Variants in CABP1 observed in about 807,000 individuals in gnomAD.
CABP1 encodes the protein calcium-binding protein 1.
A neutral mutation model predicts 34.3 loss-of-function variants in CABP1; 17 were observed. That is an observed-to-expected ratio of 0.50 (90% CI 0.34 to 0.74). CABP1 has a LOEUF of 0.74. Ranked by LOEUF, CABP1 falls within the 30% of genes least tolerant of loss-of-function variation. The pLI, the probability that CABP1 is intolerant of heterozygous loss-of-function variation, is 0.01. For missense variants in CABP1, 373 were observed against 511.1 expected (o/e 0.73, Z 2.61); for synonymous variants, 198 against 229.2 (o/e 0.86, Z 1.23).
rs1179997990 is a variant in CABP1 at position 120,667,237 on chromosome 12, G to C, written c.*337G>C. The C allele has an allele frequency of 2.2e-6, 1 of 463,024 alleles. No individual in the cohort carries two copies. The highest frequency in any genetic ancestry group is 3.9e-6 in the Non-Finnish European group (1 of 254,438). The allele number at this position is 463,024 out of a possible 1,614,324, so 28.7% of individuals were successfully genotyped here. A position where few individuals can be genotyped will look rare whatever the true frequency, so the allele number is the denominator to read the frequency against. On this transcript the variant is annotated 3_prime_UTR_variant, in exon 6 of 6. Coordinates refer to ENST00000316803, the MANE Select transcript of CABP1 (RefSeq NM_001033677.2). ...ACCCCACACAGCATGTCCGCCCCAG[G>C]GCAAAGCCTCCCACCTTCGCTCTGC...
At chr12:120,677,084 GTTT>G in the CABP1 span, among the ~76,000 whole-genome samples, 3 of 127,774 alleles carry the variant, frequency 2.3e-5, no homozygotes, top group South Asian at 5.1e-4. Flanking sequence ...GAAGTTTGTG[GTTT>G]TTTTTTTTTT....
chr12:120,647,414 G>A (rs1879589117), intron 1 of CABP1, among the ~76,000 whole-genome samples: 1 of 151,294 alleles, frequency 6.6e-6, no homozygotes, highest in Admixed American at 6.6e-5. Flanking sequence ...ATAGAGATGA[G>A]GTCTCACTAT....
chr12:120,657,046 G>A (rs554366622), intron 1 of CABP1, among the ~76,000 whole-genome samples: 5 of 152,166 alleles, frequency 3.3e-5, no homozygotes, highest in African/African-American at 9.7e-5. Flanking sequence ...GGCACTGTCC[G>A]GTAGAACTTT....
chr12:120,678,280 T>A, the CABP1 span, among the ~76,000 whole-genome samples: 1 of 152,190 alleles, frequency 6.6e-6, no homozygotes, highest in Non-Finnish European at 1.5e-5. Flanking sequence ...CTGATCCTTA[T>A]CTGGACAGGA....
chr12:120,668,013 A>G (rs760247692), downstream of CABP1, among the ~76,000 whole-genome samples: 12 of 152,214 alleles, frequency 7.9e-5, no homozygotes, highest in Non-Finnish European at 1.3e-4. Flanking sequence ...GACAGGCATG[A>G]GAGAAACACA....
chr12:120,645,518 C>A (rs1298537234), intron 1 of CABP1, among the ~76,000 whole-genome samples: 1 of 152,168 alleles, frequency 6.6e-6, no homozygotes, highest in Non-Finnish European at 1.5e-5. Flanking sequence ...CCCAACCCCA[C>A]CACAACAATT....
At chr12:120,662,342 A>G (rs984948451) in intron 5 of CABP1, 2 of 152,034 alleles carry the variant, frequency 1.3e-5, no homozygotes, top group African/African-American at 2.4e-5. Context: ...TTTTGCCAGG[A>G]GGGCTTTTTT....
At chr12:120,664,136 C>T (rs1429184159) in intron 5 of CABP1, among the ~76,000 whole-genome samples, 1 of 152,232 alleles carries the variant, frequency 6.6e-6, no homozygotes, top group African/African-American at 2.4e-5. Flanking sequence ...TCTTGAAAGC[C>T]TGGCATCCCC....
In CABP1 at chr12:120,660,978, G is replaced by T. The variant is rs144867541; in HGVS notation, c.940-93G>T. On this transcript the variant is annotated intron_variant, in intron 4 of 5. Coordinates refer to ENST00000316803, the MANE Select transcript of CABP1 (RefSeq NM_001033677.2). This position sits in a 1 kb window ranked among gnomAD's most constrained non-coding sequence, Gnocchi z 5.0. ...CAGAGAAAGGTCTCTGGTAAAGGGG[G>T]GCAATGACACTGGAGAAGGAGCTCA... 23 of 1,468,958 alleles carry T rather than the reference G, an allele frequency of 1.6e-5. No homozygotes were observed. The highest frequency in any genetic ancestry group is 2.2e-5 in the Non-Finnish European group (23 of 1,066,934). The allele number at this position is 1,468,958 out of a possible 1,614,324, so 91.0% of individuals were successfully genotyped here.
chr12:120,642,177 C>T (rs1879362494), intron 1 of CABP1, among the ~76,000 whole-genome samples: 1 of 152,086 alleles, frequency 6.6e-6, no homozygotes, highest in East Asian at 1.9e-4. Flanking sequence ...CAGGGTTTCC[C>T]CTAGTTCGGA....
At chr12:120,648,599 C>T (rs183276403) in intron 1 of CABP1, among the ~76,000 whole-genome samples, 9 of 152,028 alleles carry the variant, frequency 5.9e-5, no homozygotes, top group Admixed American at 3.3e-4. Context: ...AAGCTGGCAG[C>T]GCTGGGCATG....
downstream of CABP1, among the ~76,000 whole-genome samples, chr12:120,672,030 T>C (rs1483365666): frequency 1.3e-5 from 2 of 152,098 alleles, no homozygotes; most frequent in Non-Finnish European, 2.9e-5. Flanking sequence ...ATCACGCCAT[T>C]GTATTCCAGC....
At chr12:120,669,309 G>A (rs963792673), downstream of CABP1, among the ~76,000 whole-genome samples, 1 of 152,212 alleles carries the variant, frequency 6.6e-6, no homozygotes, top group Non-Finnish European at 1.5e-5. Flanking sequence ...CCTTGGCTCT[G>A]TGCCCTGCTA....
At chr12:120,650,495 G>A in intron 1 of CABP1, 1 of 1,532,092 alleles carries the variant, frequency 6.5e-7, no homozygotes, top group Non-Finnish European at 8.7e-7. Context: ...GCGCGCAAGA[G>A]AGGGCTCACA....
At chr12:120,657,284 G>C (rs1880291486) in intron 1 of CABP1, among the ~76,000 whole-genome samples, 1 of 152,206 alleles carries the variant, frequency 6.6e-6, no homozygotes, top group Admixed American at 6.5e-5. Context: ...GACTAATGAG[G>C]ATGTTATAGA....
In CABP1 at chr12:120,660,035, C is replaced by T; in HGVS notation, c.685+127C>T. The stretch of plus-strand genomic sequence containing the variant: ...CAACGCGGGGTATCTTCTGTGAAAC[C>T]AGCTGCTGAAGGTGTGCACAGGAGG... On this transcript the variant is annotated intron_variant, in intron 2 of 5. Transcript: ENST00000316803. The surrounding 1 kb of genome is among the most constrained non-coding windows in gnomAD (Gnocchi z 5.0). 7.8e-7 allele frequency: 1 copy of T among 1,285,018 alleles called. No individual in the cohort carries two copies. Among genetic ancestry groups the T allele is most frequent in the South Asian group, 1.4e-5 (1 of 74,058 alleles). 79.6% of individuals were successfully genotyped at this position (1,285,018 alleles called of 1,614,324 possible).
At position 120,660,910 on chromosome 12, in the gene CABP1, G is replaced by T; in HGVS notation, c.939+70G>T. 7.1e-7 allele frequency: 1 copy of T among 1,409,100 alleles called. No individual in the cohort carries two copies. The highest frequency in any genetic ancestry group is 1.0e-6 in the Non-Finnish European group (1 of 998,068). 87.3% of individuals were successfully genotyped at this position (1,409,100 alleles called of 1,614,324 possible). On this transcript the variant is annotated intron_variant, in intron 4 of 5. Coordinates refer to ENST00000316803, the MANE Select transcript of CABP1 (RefSeq NM_001033677.2). This position sits in a 1 kb window ranked among gnomAD's most constrained non-coding sequence, Gnocchi z 5.0. ...TATCTGCAGTATAAATACTTCAAAA[G>T]AAGCCTGAGCCTCAAGTCCCAGATC...
Position 120,641,470 on chromosome 12 carries a change from T to A in CABP1, c.654+131T>A, listed in dbSNP as rs1019703876. 1.2e-5 allele frequency: 12 copies of A among 1,035,316 alleles called. No homozygotes were observed. In the African/African-American group the frequency reaches 1.8e-4, roughly 16 times the overall value. The allele number at this position is 1,035,316 out of a possible 1,614,324, so 64.1% of individuals were successfully genotyped here. On this transcript the variant is annotated intron_variant, in intron 1 of 5. Transcript: ENST00000316803. The surrounding 1 kb of genome is among the most constrained non-coding windows in gnomAD (Gnocchi z 6.7). ...GATCACGCCTCGGCTCACCTCGTCCTCCCCGGGCCGGCGCCCTTGCCGGCA... is the reference window on the plus strand; with the variant it reads ...GATCACGCCTCGGCTCACCTCGTCCACCCCGGGCCGGCGCCCTTGCCGGCA...
rs1880634883 is a variant in CABP1 at position 120,661,528 on chromosome 12, CATCT to C, written c.1087+314_1087+317del. 9.8e-6 allele frequency: 3 copies of C among 306,144 alleles called. No homozygotes were observed. The highest frequency in any genetic ancestry group is 6.5e-5 in the African/African-American group (3 of 45,916). 19.0% of individuals were successfully genotyped at this position (306,144 alleles called of 1,614,324 possible). On this transcript the variant is annotated intron_variant, in intron 5 of 5. Transcript: ENST00000316803. This position sits in a 1 kb window ranked among gnomAD's most constrained non-coding sequence, Gnocchi z 5.1. ...CCATCCATCCATCCATTTATCTACCCATCTATCCATCCATCCATCCTCTACCTAT... is the reference window on the plus strand; with the variant it reads ...CCATCCATCCATCCATTTATCTACCCATCCATCCATCCATCCTCTACCTAT...
Sources: gnomAD v4.1 joint callset for allele counts (sites outside exome capture counted in the v4.1 genomes callset) on GRCh38, gnomAD v4.1.1 for gene constraint, Gnocchi (gnomAD v3.1) non-coding constraint, MANE v1.5 for transcripts, NCBI Gene and HGNC (gene_info 2026-07-23, HGNC 2026-07-21) for gene names.